Variants in ANKRD28 observed in about 807,000 individuals in gnomAD.
ANKRD28 encodes the protein serine/threonine-protein phosphatase 6 regulatory ankyrin repeat subunit A.
Under a neutral mutation model 126.5 loss-of-function variants are expected in ANKRD28, and 44 were observed. The observed-to-expected ratio is 0.35, with a 90% CI of 0.27 to 0.45. The LOEUF (loss-of-function observed/expected upper bound fraction) is 0.45. Among genes scored for constraint, ANKRD28 ranks in the 20% least tolerant of loss-of-function variants. ANKRD28 has a pLI of 1.00. For missense variants in ANKRD28, 1,110 were observed against 1,316.6 expected (o/e 0.84, Z 2.43); for synonymous variants, 442 against 468.5 (o/e 0.94, Z 0.73).
At chr3:15,763,388 T>C (rs1485455194) in intron 3 of ANKRD28, among the ~76,000 whole-genome samples, 1 of 152,226 alleles carries the variant, frequency 6.6e-6, no homozygotes, top group African/African-American at 2.4e-5. Context: ...AAGCTTATAT[T>C]GCTATAATCA....
In ANKRD28 at chr3:15,713,519, G is replaced by A. The variant is rs199732694; in HGVS notation, c.1190+8C>T. The A allele has an allele frequency of 3.1e-6, 5 of 1,606,406 alleles. No individual in the cohort carries two copies. The African/African-American group carries it at 5.4e-5, about 17-fold the overall frequency. On this transcript the variant is annotated splice_region_variant and intron_variant, in intron 10 of 27. Coordinates refer to ENST00000683139, the MANE Select transcript of ANKRD28 (RefSeq NM_001349278.2). ...GTATCAGTTATCAACACCTCGGTAA[G>A]TACTTACTTTGCAGTGTCAGCACCA...
chr3:15,746,248 G>C (rs575326058), intron 4 of ANKRD28, among the ~76,000 whole-genome samples: 12 of 152,194 alleles, frequency 7.9e-5, no homozygotes, highest in African/African-American at 2.9e-4. Flanking sequence ...GTACTATTTT[G>C]AATAGAAGTG....
intron 1 of ANKRD28, among the ~76,000 whole-genome samples, chr3:15,855,902 C>T (rs1188003936): frequency 6.6e-6 from 1 of 152,176 alleles, no homozygotes; most frequent in Non-Finnish European, 1.5e-5. Context: ...CTCAACTGTA[C>T]CCTTTAAGAG....
intron 1 of ANKRD28, among the ~76,000 whole-genome samples, chr3:15,848,291 G>T (rs1270631601): frequency 6.6e-6 from 1 of 152,190 alleles, no homozygotes; most frequent in East Asian, 1.9e-4. Context: ...TGTGATCTTG[G>T]TTAAAACCAG....
intron 27 of ANKRD28, among the ~76,000 whole-genome samples, chr3:15,674,120 T>TATG: frequency 7.7e-6 from 1 of 129,118 alleles, no homozygotes; most frequent in East Asian, 2.5e-4. Context: ...TACAATCAGC[T>TATG]ATGATCTCAC....
chr3:15,859,340 C>G (rs1254628949), intron 1 of ANKRD28: 1 of 1,520,638 alleles, frequency 6.6e-7, no homozygotes, highest in Non-Finnish European at 8.8e-7. Flanking sequence ...CCTTCCTTCC[C>G]GGACGGCGCG....
intron 14 of ANKRD28, among the ~76,000 whole-genome samples, chr3:15,698,935 C>T (rs577644431): frequency 6.6e-6 from 1 of 152,180 alleles, no homozygotes; most frequent in Non-Finnish European, 1.5e-5. Context: ...ATTGCCAAGA[C>T]AATCCTAAGC....
chr3:15,797,205 A>C lies in ANKRD28; in HGVS notation c.-684T>G, dbSNP rs528760092. On this transcript the variant is annotated 5_prime_UTR_variant, in exon 1 of 28. Coordinates refer to ENST00000683139, the MANE Select transcript of ANKRD28 (RefSeq NM_001349278.2). ...GTGTTTGGGAAAGGGGCAAAAAACA[A>C]AAACAAAAAAAAAAAAACCACTCTG... is the stretch of plus-strand genomic sequence containing the variant. 1.9e-4 allele frequency: 182 copies of C among 941,832 alleles called. 1 individual carries two copies. Among genetic ancestry groups the C allele is most frequent in the Middle Eastern group, 1.1e-3 (2 of 1,830 alleles). 58.3% of individuals were successfully genotyped at this position (941,832 alleles called of 1,614,324 possible). A position where few individuals can be genotyped will look rare whatever the true frequency, so the allele number is the denominator to read the frequency against.
intron 2 of ANKRD28, among the ~76,000 whole-genome samples, chr3:15,791,693 A>G (rs953336590): frequency 6.6e-6 from 1 of 152,182 alleles, no homozygotes; most frequent in Non-Finnish European, 1.5e-5. Flanking sequence ...GTCTGAGCAA[A>G]TATTTCTTGA....
In ANKRD28 at chr3:15,816,796, G is replaced by A. The variant is rs192108387; in HGVS notation, c.28-21490C>T. On this transcript the variant is annotated intron_variant, in intron 1 of 27. Transcript: ENST00000399451. This position sits in a 1 kb window ranked among gnomAD's most constrained non-coding sequence, Gnocchi z 5.0. The stretch of plus-strand genomic sequence containing the variant: ...TTATAATCCAAGACACTGAGAGATA[G>A]GAAGCTAGGATAATGAGTAAATCCA... 5.4e-4 allele frequency among the ~76,000 whole-genome samples: 82 copies of A among 152,302 alleles called. No homozygotes were observed. The highest frequency in any genetic ancestry group is 1.1e-3 in the Non-Finnish European group (73 of 68,036).
At chr3:15,823,738 T>C (rs1049510250) in intron 1 of ANKRD28, among the ~76,000 whole-genome samples, 2 of 152,234 alleles carry the variant, frequency 1.3e-5, no homozygotes, top group African/African-American at 2.4e-5. Flanking sequence ...GTGGGACTTA[T>C]ACCAGGAATG....
chr3:15,697,502 ATG>A (rs2069805820), intron 14 of ANKRD28: 1 of 151,662 alleles, frequency 6.6e-6, no homozygotes, highest in Non-Finnish European at 1.5e-5. Context: ...AAATTTAATC[ATG>A]TGTTTGTTTT....
chr3:15,677,498 G>A lies in ANKRD28; in HGVS notation c.2772C>T (p.Leu924=). The change falls in exon 25 of 28, where the codon CTC becomes CTT. Residue 924 remains leucine (L), a synonymous_variant. Coordinates refer to ENST00000683139, the MANE Select transcript of ANKRD28 (RefSeq NM_001349278.2). ...TLQDNSKNTA[L]HLACSKGHET... is the part of the protein sequence containing the mutation. The stretch of plus-strand genomic sequence containing the variant: ...TACATACCTTGCTACAAGCCAAATG[G>A]AGGGCAGTATTTTTACTGTTATCTT... The A allele has an allele frequency of 6.2e-7, 1 of 1,612,314 alleles. No individual in the cohort carries two copies.
At chr3:15,781,307 G>A (rs7355999) in intron 2 of ANKRD28, 1 of 152,048 alleles carries the variant, frequency 6.6e-6, no homozygotes, top group East Asian at 1.9e-4. Flanking sequence ...AAATCCATGA[G>A]GATGTTTCTG....
At chr3:15,686,177 G>A (rs771233184) in intron 19 of ANKRD28, 45 bp downstream of exon 19, 26 of 1,593,618 alleles carry the variant, frequency 1.6e-5, no homozygotes, top group Non-Finnish European at 2.0e-5. Context: ...TCTGGTTTTC[G>A]AAATACGCCC....
intron 6 of ANKRD28, among the ~76,000 whole-genome samples, chr3:15,730,229 G>A (rs2074482511): frequency 6.6e-6 from 1 of 152,120 alleles, no homozygotes; most frequent in South Asian, 2.1e-4. Flanking sequence ...GCTAAACTTG[G>A]CTGAATATTT....
Position 15,796,586 on chromosome 3 carries a change from A to T in ANKRD28, c.-65T>A, listed in dbSNP as rs2060284954. ...AAGTCACAGTTGGAAGAGCACAAGT[A>T]GTTTTTCCTCCTCTTCTGTACAACA... On this transcript the variant is annotated 5_prime_UTR_variant, in exon 1 of 28. Coordinates refer to ENST00000683139, the MANE Select transcript of ANKRD28 (RefSeq NM_001349278.2). The T allele has an allele frequency of 8.2e-7, 1 of 1,218,940 alleles. No individual in the cohort carries two copies. The highest frequency in any genetic ancestry group is 1.4e-5 in the South Asian group (1 of 70,090). The allele number at this position is 1,218,940 out of a possible 1,614,324, so 75.5% of individuals were successfully genotyped here. A position where few individuals can be genotyped will look rare whatever the true frequency, so the allele number is the denominator to read the frequency against.
At chr3:15,842,191 A>C (rs1260869187) in intron 1 of ANKRD28, among the ~76,000 whole-genome samples, 2 of 152,022 alleles carry the variant, frequency 1.3e-5, no homozygotes, top group Non-Finnish European at 2.9e-5. Context: ...ATTAACAAAG[A>C]ATATATGGTC....
chr3:15,713,703 A>G, intron 9 of ANKRD28, 62 bp from the exon 10 acceptor site: 1 of 1,041,300 alleles, frequency 9.6e-7, no homozygotes, highest in Non-Finnish European at 1.4e-6. Flanking sequence ...AACGTACTAC[A>G]TGAAAAGTAA....
Sources: gnomAD v4.1 joint callset for allele counts (sites outside exome capture counted in the v4.1 genomes callset) on GRCh38, gnomAD v4.1.1 for gene constraint, Gnocchi (gnomAD v3.1) non-coding constraint, MANE v1.5 for transcripts, NCBI Gene and HGNC (gene_info 2026-07-23, HGNC 2026-07-21) for gene names.